The following EIF5B variants were observed in gnomAD, a reference collection of about 807,000 sequenced individuals.
EIF5B encodes the protein eIF-5B.
Under a neutral mutation model 147.5 loss-of-function variants are expected in EIF5B, and 47 were observed. That is an observed-to-expected ratio of 0.32 (90% CI 0.25 to 0.41). The LOEUF is 0.41. EIF5B is among the 10% of genes least tolerant of loss of function. EIF5B has a pLI of 1.00. For missense variants in EIF5B, 1,064 were observed against 1,413.2 expected, an observed-to-expected ratio of 0.75 and a Z score of 3.96; for synonymous variants, 455 against 456.2, an observed-to-expected ratio of 1.00 and a Z score of 0.03.
intron 6 of EIF5B, among the ~76,000 whole-genome samples, chr2:99,367,688 C>CA (rs772082454): frequency 1.2e-4 from 19 of 152,050 alleles, no homozygotes; most frequent in Non-Finnish European, 2.5e-4. Context: ...CTCCTGACCT[C>CA]AGGTGATCCA....
At chr2:99,392,883 AT>A in intron 17 of EIF5B, 83 bp from the exon 18 acceptor site, 1 of 1,237,584 alleles carries the variant, frequency 8.1e-7, no homozygotes, top group Middle Eastern at 2.1e-4. Flanking sequence ...TCTCTCTAAT[AT>A]CATGATGAGA....
chr2:99,384,737 G>A (rs1674765023), intron 14 of EIF5B, among the ~76,000 whole-genome samples: 1 of 152,186 alleles, frequency 6.6e-6, no homozygotes, highest in South Asian at 2.1e-4. Flanking sequence ...TGCGGATGTG[G>A]TAGAAAAATA....
intron 1 of EIF5B, among the ~76,000 whole-genome samples, chr2:99,355,422 A>G (rs1001837162): frequency 6.6e-6 from 1 of 152,146 alleles, no homozygotes; most frequent in Non-Finnish European, 1.5e-5. Flanking sequence ...ATAGCCCATG[A>G]ACATGGCATG....
intron 17 of EIF5B, among the ~76,000 whole-genome samples, chr2:99,391,464 A>C (rs1674928181): frequency 6.6e-6 from 1 of 152,220 alleles, no homozygotes; most frequent in South Asian, 2.1e-4. Context: ...AGAAAAGTTT[A>C]ACACATTTTT....
chr2:99,363,818 C>T lies in EIF5B; in HGVS notation c.1093C>T (p.Arg365Cys), dbSNP rs1460880081. The part of the protein sequence containing the change: ...EERQKREEEE[R>C]IKRLEELEAK... ...AAGACAGAAGAGAGAAGAGGAAGAA[C>T]GTATAAAACGGCTTGAAGAATTAGA... The change falls in exon 5 of 24, where the codon CGT (arginine) becomes TGT (cysteine). Residue 365 changes from arginine (R) to cysteine (C), a missense_variant. Around this residue, in one of 4 missense-constraint regions of EIF5B, gnomAD observed 458 missense variants for 451.3 expected, o/e 1.01. Transcript: ENST00000289371. 18 of 1,611,716 alleles carry T rather than the reference C, an allele frequency of 1.1e-5. No homozygotes were observed. Among genetic ancestry groups the T allele is most frequent in the East Asian group, 1.1e-4 (5 of 44,860 alleles).
rs985129521 is a variant in EIF5B, at chr2:99,389,758, A to T, written c.2312A>T (p.Asp771Val). The change falls in exon 15 of 24, where the codon GAT becomes GTT. Residue 771 changes from aspartate (D) to valine (V), a missense_variant. Coordinates refer to ENST00000289371, the MANE Select transcript of EIF5B (RefSeq NM_015904.4). ...LYDWKKSPDS[D>V]VAATLKKQKK... The stretch of plus-strand genomic sequence containing the variant: ...GATTGGAAAAAGAGTCCTGACTCTG[A>T]TGTGGCTGCTACTTTAAAGAAGCAG... The T allele has an allele frequency of 6.2e-6, 10 of 1,612,998 alleles. No homozygotes were observed. In the Admixed American group the frequency reaches 1.5e-4, roughly 24 times the overall value.
Position 99,397,037 on chromosome 2 carries a change from A to G in EIF5B, c.3393+139A>G, listed in dbSNP as rs1214135905. 3.1e-6 allele frequency: 3 copies of G among 972,930 alleles called. No homozygotes were observed. In the East Asian group the frequency reaches 9.0e-5, roughly 29 times the overall value. 60.3% of individuals were successfully genotyped at this position (972,930 alleles called of 1,614,324 possible). On this transcript the variant is annotated intron_variant, in intron 22 of 23. Coordinates refer to ENST00000289371, the MANE Select transcript of EIF5B (RefSeq NM_015904.4). ...AGTGTGGTCTCCACCTTCTTAACAA[A>G]TGTTTCAGTGTTTTTACCTCAGTAG...
chr2:99,372,140 G>A (rs112632814), intron 9 of EIF5B, among the ~76,000 whole-genome samples: 2 of 151,988 alleles, frequency 1.3e-5, no homozygotes, highest in Non-Finnish European at 2.9e-5. Context: ...TCTCTACTTC[G>A]AGATTTAATT....
intron 14 of EIF5B, among the ~76,000 whole-genome samples, chr2:99,385,768 C>T (rs912392853): frequency 6.6e-6 from 1 of 152,144 alleles, no homozygotes; most frequent in South Asian, 2.1e-4. Context: ...AGAAAATGCA[C>T]CCCATGCTAA....
chr2:99,364,301 A>G lies in EIF5B; in HGVS notation c.1168A>G (p.Lys390Glu). The G allele has an allele frequency of 6.2e-7, 1 of 1,604,682 alleles. No individual in the cohort carries two copies. The highest frequency in any genetic ancestry group is 8.5e-7 in the Non-Finnish European group (1 of 1,177,580). The change falls in exon 6 of 24, where the codon AAA (lysine) becomes GAA (glutamate). Residue 390 changes from lysine (K) to glutamate (E), a missense_variant. Physicochemically the swap from Lys to Glu is moderately conservative, Grantham distance 56. Coordinates refer to ENST00000289371, the MANE Select transcript of EIF5B (RefSeq NM_015904.4). The part of the protein sequence containing the change: ...ERLEQEKRER[K>E]KQKEKERKER... ...ATTGGAACAAGAAAAAAGAGAAAGGAAAAAGCAAAAAGAAAAAGAAAGAAA... is the reference window on the plus strand; with the variant it reads ...ATTGGAACAAGAAAAAAGAGAAAGGGAAAAGCAAAAAGAAAAAGAAAGAAA...
intron 6 of EIF5B, among the ~76,000 whole-genome samples, chr2:99,367,652 A>G (rs370637035): frequency 1.3e-5 from 2 of 152,094 alleles, no homozygotes; most frequent in East Asian, 3.9e-4. Context: ...ATGGGGTTTC[A>G]CCATGTTGGC....
chr2:99,375,668 C>T (rs1674549986), intron 9 of EIF5B, among the ~76,000 whole-genome samples: 1 of 152,210 alleles, frequency 6.6e-6, no homozygotes, highest in African/African-American at 2.4e-5. Context: ...TTCTGTCTTA[C>T]TAATACTGAC....
At chr2:99,367,162 A>G (rs1674344714) in intron 6 of EIF5B, among the ~76,000 whole-genome samples, 1 of 152,224 alleles carries the variant, frequency 6.6e-6, no homozygotes, top group African/African-American at 2.4e-5. Flanking sequence ...AAAAAGATAC[A>G]TTTTGAGAAA....
In EIF5B at chr2:99,401,005, A is replaced by ACTT. The variant is rs1173242787; in HGVS notation, c.*1592_*1594dup. On this transcript the variant is annotated 3_prime_UTR_variant, in exon 24 of 24. Transcript: ENST00000289371. ...ACACTTCACTGTAAAAATCCATAAA[A>ACTT]CTTTATAAACAAACATTTTGTAAAT... is the stretch of plus-strand genomic sequence containing the variant. 1.3e-5 allele frequency: 4 copies of ACTT among 302,330 alleles called. No individual in the cohort carries two copies. In the East Asian group the frequency reaches 2.3e-4, roughly 18 times the overall value. The allele number at this position is 302,330 out of a possible 1,614,324, so 18.7% of individuals were successfully genotyped here. A position where few individuals can be genotyped will look rare whatever the true frequency, so the allele number is the denominator to read the frequency against.
intron 14 of EIF5B, among the ~76,000 whole-genome samples, chr2:99,386,716 G>A (rs528990954): frequency 2.0e-5 from 3 of 149,094 alleles, no homozygotes; most frequent in African/African-American, 7.4e-5. Context: ...TCTGGGGGGC[G>A]GGGGGGCGGT....
chr2:99,382,578 G>A (rs778065888), intron 13 of EIF5B, among the ~76,000 whole-genome samples: 2 of 152,052 alleles, frequency 1.3e-5, no homozygotes, highest in Non-Finnish European at 2.9e-5. Flanking sequence ...AATATTAGTT[G>A]GTTCTAAAAC....
At chr2:99,398,499 C>G in intron 22 of EIF5B, 1 of 325,636 alleles carries the variant, frequency 3.1e-6, no homozygotes, top group Non-Finnish European at 5.6e-6. Flanking sequence ...ATTGGGTCAA[C>G]AGGGCACTTG....
intron 1 of EIF5B, among the ~76,000 whole-genome samples, chr2:99,344,370 G>C (rs940759703): frequency 2.6e-5 from 4 of 151,320 alleles, no homozygotes; most frequent in African/African-American, 9.7e-5. Flanking sequence ...TTATTTCTTT[G>C]GTCTGTATGT....
Position 99,390,214 on chromosome 2 carries a change from C to T in EIF5B, c.2404-5C>T, listed in dbSNP as rs749695025. 1.9e-6 allele frequency: 3 copies of T among 1,613,700 alleles called. No homozygotes were observed. Among genetic ancestry groups the T allele is most frequent in the Non-Finnish European group, 2.5e-6 (3 of 1,179,802 alleles). ...CCTGGCATTTTGGATGATTTTTGCT[C>T]CTAGGGTTTGAATGCTGCTTTGTTT... On this transcript the variant is annotated splice_polypyrimidine_tract_variant and splice_region_variant and intron_variant, in intron 15 of 23. Transcript: ENST00000289371.
Sources: gnomAD v4.1 joint callset for allele counts (sites outside exome capture counted in the v4.1 genomes callset) on GRCh38, gnomAD v4.1.1 for gene constraint, gnomAD v4.1.1 regional missense constraint, MANE v1.5 for transcripts, NCBI Gene and HGNC (gene_info 2026-07-23, HGNC 2026-07-21) for gene names.